The following MAGI1 variants were observed in gnomAD, a reference collection of about 807,000 sequenced individuals.
MAGI1 encodes membrane-associated guanylate kinase, WW and PDZ domain-containing protein 1.
Under a neutral mutation model 139.9 loss-of-function variants are expected in MAGI1, and 58 were observed. That is an observed-to-expected ratio of 0.41 (90% CI 0.34 to 0.52). The LOEUF is 0.52. Ranked by LOEUF, MAGI1 falls within the 20% of genes least tolerant of loss-of-function variation. MAGI1 has a pLI of 0.12. For missense variants in MAGI1, 1,874 were observed against 1,901.6 expected (o/e 0.99, Z 0.27); for synonymous variants, 812 against 737.9 (o/e 1.10, Z -1.63).
intron 2 of MAGI1, among the ~76,000 whole-genome samples, chr3:65,533,219 T>G (rs576529182): frequency 3.9e-5 from 6 of 152,160 alleles, no homozygotes; most frequent in Non-Finnish European, 8.8e-5. Flanking sequence ...ATTAGTAGAT[T>G]TAACTCAGTC....
intron 1 of MAGI1, among the ~76,000 whole-genome samples, chr3:65,796,710 C>T (rs546841033): frequency 6.6e-6 from 1 of 152,264 alleles, no homozygotes; most frequent in African/African-American, 2.4e-5. Context: ...ACCAAGGGGT[C>T]GGCATATTTC....
intron 2 of MAGI1, among the ~76,000 whole-genome samples, chr3:65,611,627 G>A (rs1411231146): frequency 7.4e-6 from 1 of 134,780 alleles, no homozygotes; most frequent in Non-Finnish European, 1.6e-5. Context: ...AGTATATACA[G>A]TATATATATA....
At chr3:65,501,453 CAAAAAAAAAA>C in intron 2 of MAGI1, among the ~76,000 whole-genome samples, 1 of 80,646 alleles carries the variant, frequency 1.2e-5, no homozygotes, top group East Asian at 3.5e-4. Context: ...GACTCTGTCT[CAAAAAAAAAA>C]AAAAAAAAAA....
chr3:65,356,611 G>A lies in MAGI1; in HGVS notation c.4156C>T (p.Arg1386Cys). 11 of 1,595,190 alleles carry A rather than the reference G, an allele frequency of 6.9e-6. No homozygotes were observed. Among genetic ancestry groups the A allele is most frequent in the Non-Finnish European group, 9.4e-6 (11 of 1,173,130 alleles). Residue 1386 changes from arginine (R) to cysteine (C), a missense_variant, in exon 23 of 23, where the codon CGC becomes TGC. Arg to Cys is a radical substitution (Grantham distance 180). Transcript: ENST00000402939. ...RLLEQRRSPE[R>C]RRGGSPERRA... ...CGCTCGGGCGAGCCCCCTCTCCTGCGCTCGGGGGACCTCCTCTGCTCCAGG... is the reference window on the plus strand; with the variant it reads ...CGCTCGGGCGAGCCCCCTCTCCTGCACTCGGGGGACCTCCTCTGCTCCAGG...
intron 1 of MAGI1, among the ~76,000 whole-genome samples, chr3:65,926,736 T>G (rs750487362): frequency 6.6e-6 from 1 of 152,162 alleles, no homozygotes; most frequent in Non-Finnish European, 1.5e-5. Flanking sequence ...GGCTCACACC[T>G]CTAATCCCAA....
intron 1 of MAGI1, chr3:65,688,055 A>G: frequency 1.3e-6 from 1 of 775,012 alleles, no homozygotes; most frequent in South Asian, 1.3e-5. Context: ...CTAAGTCATT[A>G]TGCTGTGATA....
chr3:65,400,423 C>T (rs1012394059), intron 13 of MAGI1, among the ~76,000 whole-genome samples: 8 of 152,116 alleles, frequency 5.3e-5, no homozygotes, highest in Admixed American at 3.9e-4. Context: ...GCTGCAGCGC[C>T]GTAAGCCGCA....
At chr3:65,891,894 A>ATATGTATATG (rs1300289188) in intron 1 of MAGI1, among the ~76,000 whole-genome samples, 4 of 8,434 alleles carry the variant, frequency 4.7e-4, no homozygotes, top group South Asian at 4.2e-3. Flanking sequence ...TAATATATAT[A>ATATGTATATG]TATATATATA....
intron 2 of MAGI1, among the ~76,000 whole-genome samples, chr3:65,593,336 T>C (rs1238962484): frequency 6.6e-6 from 1 of 152,208 alleles, no homozygotes; most frequent in Non-Finnish European, 1.5e-5. Context: ...ATCTAATCTT[T>C]ATTGTGGCAA....
intron 1 of MAGI1, among the ~76,000 whole-genome samples, chr3:65,834,548 T>G (rs909168471): frequency 1.3e-5 from 2 of 152,250 alleles, no homozygotes; most frequent in Non-Finnish European, 2.9e-5. Context: ...ATAATATCTA[T>G]TCTACTTTTG....
intron 1 of MAGI1, among the ~76,000 whole-genome samples, chr3:65,745,554 T>G (rs1391273013): frequency 6.6e-6 from 1 of 152,210 alleles, no homozygotes; most frequent in Non-Finnish European, 1.5e-5. Flanking sequence ...TCAAGTCCCT[T>G]AGGAAACCAG....
chr3:65,744,415 T>G (rs763018609), intron 1 of MAGI1, among the ~76,000 whole-genome samples: 28 of 152,194 alleles, frequency 1.8e-4, no homozygotes, highest in Non-Finnish European at 3.7e-4. Context: ...AAATGCTCAG[T>G]AAATGTTTGC....
At chr3:65,858,287 C>T (rs539636146) in intron 1 of MAGI1, among the ~76,000 whole-genome samples, 1 of 152,264 alleles carries the variant, frequency 6.6e-6, no homozygotes, top group East Asian at 1.9e-4. Flanking sequence ...TGACAAAGAA[C>T]TCACTGCTCC....
chr3:65,962,122 A>ATT (rs567359350), intron 1 of MAGI1, among the ~76,000 whole-genome samples: 27 of 122,506 alleles, frequency 2.2e-4, no homozygotes, highest in East Asian at 4.8e-4. Flanking sequence ...ATCTGATTGT[A>ATT]TTTTTTTTTT....
At chr3:65,471,059 G>C (rs775356696) in intron 4 of MAGI1, among the ~76,000 whole-genome samples, 8 of 152,186 alleles carry the variant, frequency 5.3e-5, no homozygotes, top group Admixed American at 6.5e-5. Context: ...AATATGGAGA[G>C]AGCTATACCA....
intron 1 of MAGI1, among the ~76,000 whole-genome samples, chr3:65,650,967 T>C (rs2085542905): frequency 6.6e-6 from 1 of 152,218 alleles, no homozygotes; most frequent in Non-Finnish European, 1.5e-5. Flanking sequence ...TTAGTTTTTC[T>C]TGGTGTGTAT....
intron 2 of MAGI1, among the ~76,000 whole-genome samples, chr3:65,595,821 TGGGTAGGGTG>T (rs1559703829): frequency 5.9e-4 from 4 of 6,756 alleles, no homozygotes; most frequent in South Asian, 9.3e-3. Flanking sequence ...GTGGGTAGGG[TGGGTAGGGTG>T]GGGGTGGGGA....
intron 2 of MAGI1, among the ~76,000 whole-genome samples, chr3:65,508,771 C>A (rs1486460085): frequency 2.0e-5 from 3 of 152,028 alleles, no homozygotes; most frequent in African/African-American, 7.2e-5. Flanking sequence ...AAAGAAAAAA[C>A]TGGGGAGTTT....
At chr3:65,397,965 T>G (rs1234720122) in intron 13 of MAGI1, among the ~76,000 whole-genome samples, 2 of 152,214 alleles carry the variant, frequency 1.3e-5, no homozygotes, top group African/African-American at 4.8e-5. Context: ...TAATAAATAC[T>G]TATTGATGAA....
Sources: allele counts gnomAD v4.1 joint callset (sites outside exome capture counted in the v4.1 genomes callset), GRCh38; gene constraint gnomAD v4.1.1; transcripts MANE v1.5; gene names NCBI Gene and HGNC (gene_info 2026-07-23, HGNC 2026-07-21).